CORIN: variants seen among roughly 807,000 people sequenced by gnomAD.
CORIN encodes atrial natriuretic peptide-converting enzyme.
Under a neutral mutation model 125.3 loss-of-function variants are expected in CORIN, and 117 were observed. The observed-to-expected ratio is 0.93, with a 90% confidence interval of 0.80 to 1.09. The LOEUF is 1.09. Among genes scored for constraint, CORIN ranks in the 50% least tolerant of loss-of-function variants. The probability of loss-of-function intolerance (pLI) is 0.00; values close to 1 mark genes in which losing one functional copy is unlikely to be tolerated. For missense variants in CORIN, 1,253 were observed against 1,306.7 expected (o/e 0.96, Z 0.63); for synonymous variants, 450 against 466.4 (o/e 0.96, Z 0.45).
At chr4:47,749,676 T>C (rs186017670) in intron 4 of CORIN, among the ~76,000 whole-genome samples, 298 of 152,348 alleles carry the variant, frequency 2.0e-3, no homozygotes, top group Non-Finnish European at 3.5e-3. Context: ...TTGCAATATA[T>C]AACTAATACA....
chr4:47,603,732 G>GA, intron 19 of CORIN, 64 bp from the exon 20 acceptor site: 1 of 1,535,552 alleles, frequency 6.5e-7, no homozygotes, highest in Non-Finnish European at 8.8e-7. Flanking sequence ...AAATTCACAT[G>GA]TAATTTTAAA....
In CORIN at chr4:47,600,337, C is replaced by T; in HGVS notation, c.2823G>A (p.Lys941=). The T allele has an allele frequency of 6.2e-7, 1 of 1,611,068 alleles. No homozygotes were observed. Among genetic ancestry groups the T allele is most frequent in the Non-Finnish European group, 8.5e-7 (1 of 1,178,488 alleles). ...WGHMGNKMPF[K]LQEGEVRIIS... is the part of the protein sequence containing the mutation. ...TAATGCGGACCTCTCCCTCTTGCAG[C>T]TTAAATGGCACTGAATTTTTAAAAA... Residue 941 remains lysine (K), a synonymous_variant, in exon 21 of 22, where the codon AAG becomes AAA. Transcript: ENST00000273857.
chr4:47,671,313 C>A (rs1724748539), intron 10 of CORIN, among the ~76,000 whole-genome samples: 1 of 152,210 alleles, frequency 6.6e-6, no homozygotes. Context: ...CTACTACATT[C>A]TCCAAACTCA....
At chr4:47,786,053 TAAAACTTCA>T (rs1311883758) in intron 3 of CORIN, among the ~76,000 whole-genome samples, 1 of 152,054 alleles carries the variant, frequency 6.6e-6, no homozygotes, top group Non-Finnish European at 1.5e-5. Context: ...ATAAGTAACT[TAAAACTTCA>T]AAAACTTCAA....
At chr4:47,643,754 C>T (rs554995622) in intron 14 of CORIN, among the ~76,000 whole-genome samples, 37 of 152,246 alleles carry the variant, frequency 2.4e-4, no homozygotes, top group Admixed American at 1.0e-3. Context: ...GCCTACTTAA[C>T]AACCATTTCC....
intron 16 of CORIN, among the ~76,000 whole-genome samples, chr4:47,631,181 C>T (rs555621223): frequency 6.6e-6 from 1 of 152,236 alleles, no homozygotes; most frequent in East Asian, 1.9e-4. Flanking sequence ...CCCATCAACC[C>T]TGGATTTACA....
intron 16 of CORIN, 57 bp from the exon 17 acceptor site, chr4:47,626,578 A>T: frequency 9.6e-7 from 1 of 1,044,086 alleles, no homozygotes; most frequent in Non-Finnish European, 1.5e-6. Flanking sequence ...TTGAACAGGC[A>T]TTATCATTAT....
At chr4:47,694,708 G>A (rs1725907019) in intron 5 of CORIN, among the ~76,000 whole-genome samples, 1 of 152,196 alleles carries the variant, frequency 6.6e-6, no homozygotes, top group Non-Finnish European at 1.5e-5. Context: ...ACCCAGCGGA[G>A]TGCCTGGCAC....
In CORIN at chr4:47,603,535, C is replaced by T. The variant is rs761054408; in HGVS notation, c.2674G>A (p.Asp892Asn). Residue 892 changes from aspartate (D) to asparagine (N), a missense_variant, in exon 20 of 22, where the codon GAC becomes AAC. Physicochemically the swap from Asp to Asn is conservative, Grantham distance 23. Coordinates refer to ENST00000273857, the MANE Select transcript of CORIN (RefSeq NM_006587.4). ...TCACTCAGCTCAACGATGCTGATGT[C>T]ATAGTCCACCACTGCTCGACTGTAG... is the stretch of plus-strand genomic sequence containing the variant. ...PRYSRAVVDYDISIVELSEDI... is the reference protein window; with the variant it reads ...PRYSRAVVDYNISIVELSEDI... 3 of 1,614,188 alleles carry T rather than the reference C, an allele frequency of 1.9e-6. No homozygotes were observed. Among genetic ancestry groups the T allele is most frequent in the Admixed American group, 3.3e-5 (2 of 60,028 alleles).
intron 3 of CORIN, among the ~76,000 whole-genome samples, chr4:47,773,388 C>T (rs886515958): frequency 6.6e-6 from 1 of 152,152 alleles, no homozygotes; most frequent in African/African-American, 2.4e-5. Flanking sequence ...TATTGGGAAT[C>T]TCATTTAGTA....
chr4:47,675,101 T>A (rs547307869), intron 9 of CORIN, among the ~76,000 whole-genome samples: 1 of 152,348 alleles, frequency 6.6e-6, no homozygotes, highest in African/African-American at 2.4e-5. Flanking sequence ...TCTAAGTGAA[T>A]GACAGCAGTA....
At chr4:47,641,245 C>T (rs540637318) in intron 16 of CORIN, among the ~76,000 whole-genome samples, 31 of 152,224 alleles carry the variant, frequency 2.0e-4, no homozygotes, top group African/African-American at 7.0e-4. Context: ...ACTCCTTTGT[C>T]TTCAATTTCT....
Position 47,745,149 on chromosome 4 carries a change from T to TA in CORIN, c.618-567dup, listed in dbSNP as rs553842200. ...GATTTCTAGTCTGTCATCTGCAAAATAAAAAAAAATGCACACAATTGTCTG... is the reference window on the plus strand; with the variant it reads ...GATTTCTAGTCTGTCATCTGCAAAATAAAAAAAAAATGCACACAATTGTCTG... On this transcript the variant is annotated intron_variant, in intron 4 of 21. Transcript: ENST00000273857. Among the ~76,000 whole-genome samples the TA allele has an allele frequency of 1.5e-4, 23 of 151,254 alleles. 1 individual carries two copies. The South Asian group carries it at 3.1e-3, about 21-fold the overall frequency.
intron 5 of CORIN, among the ~76,000 whole-genome samples, chr4:47,702,723 GA>G (rs201900990): frequency 6.6e-6 from 1 of 151,422 alleles, no homozygotes; most frequent in Non-Finnish European, 1.5e-5. Context: ...ACCAGAAATA[GA>G]AAAAAAACAT....
At position 47,791,314 on chromosome 4, in the gene CORIN, G is replaced by T. The variant is rs1362404720; in HGVS notation, c.209-4389C>A. ...AAGCCAAGGAATGCAGGAAGCCCTA[G>T]AAGCTAGAAAAAGCAAGAGAATAGA... On this transcript the variant is annotated intron_variant, in intron 2 of 21. Coordinates refer to ENST00000273857, the MANE Select transcript of CORIN (RefSeq NM_006587.4). Among the ~76,000 whole-genome samples the T allele has an allele frequency of 5.3e-5, 8 of 152,158 alleles. No homozygotes were observed. In the East Asian group the frequency reaches 1.5e-3, roughly 29 times the overall value.
chr4:47,714,505 T>C (rs1727000895), intron 5 of CORIN, among the ~76,000 whole-genome samples: 1 of 152,170 alleles, frequency 6.6e-6, no homozygotes, highest in Non-Finnish European at 1.5e-5. Context: ...AATTAGAAAC[T>C]AGAGGTAGAA....
intron 19 of CORIN, among the ~76,000 whole-genome samples, chr4:47,607,225 G>A (rs1018135114): frequency 3.9e-5 from 6 of 152,052 alleles, no homozygotes; most frequent in Admixed American, 2.6e-4. Flanking sequence ...TGGCTAACGC[G>A]GTGAAACCCC....
chr4:47,737,369 C>G (rs1728180166), intron 5 of CORIN, among the ~76,000 whole-genome samples: 1 of 152,186 alleles, frequency 6.6e-6, no homozygotes, highest in Non-Finnish European at 1.5e-5. Flanking sequence ...CATTTGCTGG[C>G]CCACTGCCTT....
rs146775529 is a variant in CORIN at position 47,678,062 on chromosome 4, G to C, written c.1133-8C>G. The C allele has an allele frequency of 1.3e-6, 2 of 1,574,092 alleles. No homozygotes were observed. The highest frequency in any genetic ancestry group is 2.7e-5 in the African/African-American group (2 of 74,296). ...GACCCTGGCTGTGACAGGCTAGGAA[G>C]GACCATAACAATATTCACTTTATTT... is the stretch of plus-strand genomic sequence containing the variant. On this transcript the variant is annotated splice_region_variant and splice_polypyrimidine_tract_variant and intron_variant, in intron 8 of 21. Transcript: ENST00000273857.
Sources: allele counts gnomAD v4.1 joint callset (sites outside exome capture counted in the v4.1 genomes callset), GRCh38; gene constraint gnomAD v4.1.1; transcripts MANE v1.5; gene names NCBI Gene and HGNC (gene_info 2026-07-23, HGNC 2026-07-21).